Variants in ABCA13 observed in about 807,000 individuals in gnomAD.
ABCA13 encodes the protein ATP-binding cassette sub-family A member 13.
In ABCA13, 476 loss-of-function variants were observed where a neutral mutation model predicts 478.7. The ratio of observed to expected loss-of-function variants is 0.99; its 90% CI spans 0.92 to 1.07. ABCA13 has a LOEUF of 1.07. ABCA13 is among the 50% of genes least tolerant of loss of function. ABCA13 has a pLI of 0.00. For synonymous variants in ABCA13, 2,252 were observed against 2,158.9 expected (o/e 1.04, Z -1.20); for missense variants, 6,060 against 5,910.6 (o/e 1.03, Z -0.83).
intron 58 of ABCA13, among the ~76,000 whole-genome samples, chr7:48,598,605 AT>A (rs1220720092): frequency 6.6e-6 from 1 of 152,162 alleles, no homozygotes; most frequent in Admixed American, 6.5e-5. Context: ...TGGATAAATG[AT>A]TTGCAAATAT....
chr7:48,347,934 T>C (rs1808358372), intron 29 of ABCA13, among the ~76,000 whole-genome samples: 1 of 152,242 alleles, frequency 6.6e-6, no homozygotes, highest in African/African-American at 2.4e-5. Flanking sequence ...AGCAGATGAT[T>C]ATCATTTCCC....
intron 55 of ABCA13, among the ~76,000 whole-genome samples, chr7:48,533,257 A>G (rs59081912): frequency 0.054 from 8,164 of 152,160 alleles, 247 homozygotes; most frequent in South Asian, 0.086. Flanking sequence ...TGTTGACCCA[A>G]TGATCATTCA....
chr7:48,626,696 C>T, intron 59 of ABCA13: 4 of 985,446 alleles, frequency 4.1e-6, no homozygotes, highest in Non-Finnish European at 4.8e-6. Context: ...GATAATAGAA[C>T]TTTACAGCCG....
At chr7:48,524,176 C>T in intron 53 of ABCA13, 72 bp from the exon 54 acceptor site, 1 of 1,403,940 alleles carries the variant, frequency 7.1e-7, no homozygotes. Flanking sequence ...AAATCTCTGA[C>T]CTTTTTGCCT....
chr7:48,423,122 T>A (rs140661227), intron 41 of ABCA13, among the ~76,000 whole-genome samples: 1 of 152,350 alleles, frequency 6.6e-6, no homozygotes, highest in East Asian at 1.9e-4. Context: ...CAAATCTTGC[T>A]GCATGCATTG....
At chr7:48,524,219 G>A in intron 53 of ABCA13, 29 bp from the exon 54 acceptor site, 1 of 1,589,458 alleles carries the variant, frequency 6.3e-7, no homozygotes, top group Non-Finnish European at 8.6e-7. Flanking sequence ...TTTGCTAGGT[G>A]TGAATTCACT....
At chr7:48,589,606 A>T (rs1789527162) in intron 57 of ABCA13, among the ~76,000 whole-genome samples, 1 of 152,218 alleles carries the variant, frequency 6.6e-6, no homozygotes. Context: ...AGCAAATTTC[A>T]AATATGTAAT....
intron 1 of ABCA13, among the ~76,000 whole-genome samples, chr7:48,180,047 T>C (rs1795452976): frequency 6.6e-6 from 1 of 152,224 alleles, no homozygotes; most frequent in African/African-American, 2.4e-5. Context: ...TGCCTGAGCC[T>C]ATGGCACTCC....
intron 42 of ABCA13, among the ~76,000 whole-genome samples, chr7:48,441,089 A>T (rs1159155876): frequency 6.6e-6 from 1 of 152,230 alleles, no homozygotes; most frequent in Non-Finnish European, 1.5e-5. Flanking sequence ...GAGATTGCCT[A>T]CATTTGCCAA....
At chr7:48,639,074 G>A (rs888142934) in intron 59 of ABCA13, among the ~76,000 whole-genome samples, 10 of 152,156 alleles carry the variant, frequency 6.6e-5, no homozygotes, top group Non-Finnish European at 1.3e-4. Flanking sequence ...TTGGGATAAT[G>A]TGTTTGGTGC....
chr7:48,295,692 T>G lies in ABCA13; in HGVS notation c.8956-8T>G. ...GCTTCTAACCTATATCATTGCTATG[T>G]TTTCTAGGAAATTGAAAAGATATGG... On this transcript the variant is annotated splice_polypyrimidine_tract_variant and splice_region_variant and intron_variant, in intron 20 of 61. Coordinates refer to ENST00000435803, the MANE Select transcript of ABCA13 (RefSeq NM_152701.5). The G allele has an allele frequency of 1.2e-6, 2 of 1,613,970 alleles. No individual in the cohort carries two copies. The highest frequency in any genetic ancestry group is 2.2e-5 in the South Asian group (2 of 91,086).
At chr7:48,497,404 G>C (rs983871233) in intron 48 of ABCA13, among the ~76,000 whole-genome samples, 2 of 152,048 alleles carry the variant, frequency 1.3e-5, no homozygotes, top group African/African-American at 4.8e-5. Context: ...TCAACATTCA[G>C]TTCATTTTGA....
intron 31 of ABCA13, among the ~76,000 whole-genome samples, chr7:48,354,634 C>T (rs764700549): frequency 1.6e-4 from 24 of 152,038 alleles, no homozygotes; most frequent in Non-Finnish European, 3.5e-4. Flanking sequence ...TATTCTACTA[C>T]TGGGATACAG....
At position 48,310,083 on chromosome 7, in the gene ABCA13, T is replaced by C. The variant is rs764254671; in HGVS notation, c.9458T>C (p.Val3153Ala). 8 of 1,613,698 alleles carry C rather than the reference T, an allele frequency of 5.0e-6. No homozygotes were observed. The highest frequency in any genetic ancestry group is 2.2e-5 in the East Asian group (1 of 44,880). Residue 3153 changes from valine to alanine, a missense_variant, in exon 24 of 62, where the codon GTG becomes GCG. Physicochemically the swap from Val to Ala is moderately conservative, Grantham distance 64. Coordinates refer to ENST00000435803, the MANE Select transcript of ABCA13 (RefSeq NM_152701.5). ...CTCTGTAGCCTGCCAGGGTCAAAAG[T>C]GTATTCTCTGATTGTGTTGCTGAGT... Reference protein sequence around the residue: ...EELCSLPGSKVYSLIVLLSRN... With the variant: ...EELCSLPGSKAYSLIVLLSRN...
chr7:48,335,298 G>A lies in ABCA13; in HGVS notation c.10000-124G>A, dbSNP rs114764632. 9.7e-4 allele frequency: 571 copies of A among 590,988 alleles called. 4 individuals carry two copies. Among genetic ancestry groups the A allele is most frequent in the African/African-American group, 9.4e-3 (493 of 52,578 alleles). The allele number at this position is 590,988 out of a possible 1,614,324, so 36.6% of individuals were successfully genotyped here. On this transcript the variant is annotated intron_variant, in intron 27 of 61. Coordinates refer to ENST00000435803, the MANE Select transcript of ABCA13 (RefSeq NM_152701.5). ...GGAACTTTTCATGTTATTGAGGAAG[G>A]CATTAGCTGGCCTGCAGGCAGATCT...
intron 59 of ABCA13, among the ~76,000 whole-genome samples, chr7:48,634,719 T>A (rs184852798): frequency 5.9e-5 from 9 of 152,322 alleles, no homozygotes; most frequent in Middle Eastern, 3.4e-3. Flanking sequence ...AGGTATACAG[T>A]TGAGTATTAT....
chr7:48,622,857 A>G (rs1317438), intron 59 of ABCA13, among the ~76,000 whole-genome samples: 62,255 of 151,978 alleles, frequency 0.41, 13,532 homozygotes, highest in African/African-American at 0.54. Flanking sequence ...AAAAGTAGTC[A>G]TAGAAAGGTT....
At chr7:48,293,429 T>TA (rs1381626117) in intron 20 of ABCA13, among the ~76,000 whole-genome samples, 1 of 152,256 alleles carries the variant, frequency 6.6e-6, no homozygotes, top group Non-Finnish European at 1.5e-5. Context: ...ACAGAAATAT[T>TA]ATCTAAGTGT....
chr7:48,274,957 A>G lies in ABCA13; in HGVS notation c.5291A>G (p.Asn1764Ser), dbSNP rs1796101283. ...CTCCTGCAGGGAGTACCTGGTAAAA[A>G]CATCACTGAAGGCCTCAAGGATGTC... ...VRLLQGVPGK[N>S]ITEGLKDVYS... is the part of the protein sequence containing the mutation. Residue 1764 changes from asparagine (N) to serine (S), a missense_variant, in exon 17 of 62, where the codon AAC becomes AGC. By Grantham distance (46) the Asn-to-Ser change is conservative (BLOSUM62 1). Coordinates refer to ENST00000435803, the MANE Select transcript of ABCA13 (RefSeq NM_152701.5). 3 of 1,613,760 alleles carry G rather than the reference A, an allele frequency of 1.9e-6. No individual in the cohort carries two copies. The highest frequency in any genetic ancestry group is 4.5e-5 in the East Asian group (2 of 44,874).
Sources: gnomAD v4.1 joint callset for allele counts (sites outside exome capture counted in the v4.1 genomes callset) on GRCh38, gnomAD v4.1.1 for gene constraint, MANE v1.5 for transcripts, NCBI Gene and HGNC (gene_info 2026-07-23, HGNC 2026-07-21) for gene names.